Variants in MDN1 observed in about 807,000 individuals in gnomAD.
MDN1 encodes the protein midasin.
In MDN1, 266 loss-of-function variants were observed where a neutral mutation model predicts 669.2. The observed-to-expected ratio is 0.40, with a 90% confidence interval of 0.36 to 0.44. The LOEUF (loss-of-function observed/expected upper bound fraction) is 0.44, where lower values mean the gene tolerates loss of function less well. MDN1 is among the 20% of genes least tolerant of loss of function. The pLI, the probability that MDN1 is intolerant of heterozygous loss-of-function variation, is 1.00. For missense variants in MDN1, 5,940 were observed against 6,754.0 expected (o/e 0.88, Z 4.22); for synonymous variants, 2,385 against 2,457.1 (o/e 0.97, Z 0.87).
At chr6:89,724,922 T>C (rs954122881) in intron 38 of MDN1, among the ~76,000 whole-genome samples, 1 of 152,218 alleles carries the variant, frequency 6.6e-6, no homozygotes, top group Non-Finnish European at 1.5e-5. Flanking sequence ...GGTCCAAGAT[T>C]GGACTTCATC....
At chr6:89,672,459 T>A in intron 81 of MDN1, 88 bp downstream of exon 81, 1 of 1,593,958 alleles carries the variant, frequency 6.3e-7, no homozygotes, top group Non-Finnish European at 8.5e-7. Context: ...CTAACATCCA[T>A]CCTTAACTAT....
chr6:89,747,403 C>T lies in MDN1; in HGVS notation c.3830G>A (p.Arg1277Gln), dbSNP rs1206783600. 8.7e-6 allele frequency: 14 copies of T among 1,613,922 alleles called. No individual in the cohort carries two copies. Among genetic ancestry groups the T allele is most frequent in the African/African-American group, 1.3e-5 (1 of 74,882 alleles). The change falls in exon 27 of 102, where the codon CGA (arginine) becomes CAA (glutamine). Residue 1277 changes from arginine to glutamine, a missense_variant. By Grantham distance (43) the Arg-to-Gln change is conservative (BLOSUM62 1). Coordinates refer to ENST00000369393, the MANE Select transcript of MDN1 (RefSeq NM_014611.3). ...AGCCAATCTGTATCTTTCAGCCCAT[C>T]GGAACAGATCACGAAGGGTGATGAA... ...QGFITLRDLF[R>Q]WAERYRLAEP...
At chr6:89,689,064 C>T (rs908942387) in intron 65 of MDN1, among the ~76,000 whole-genome samples, 1 of 152,130 alleles carries the variant, frequency 6.6e-6, no homozygotes, top group African/African-American at 2.4e-5. Flanking sequence ...TTCTTGCGGG[C>T]CTGAGGCACA....
rs1385568777 is a variant in MDN1 at position 89,689,932 on chromosome 6, C to A, written c.10961G>T (p.Ser3654Ile). ...LPPHEAKHYL[S>I]LFLSCYQTGA... is the part of the protein sequence containing the mutation. ...AGTCTGATAGCAAGACAGAAACAGG[C>A]TGAGGTAATGCTTTGCTTCATGTGG... is the stretch of plus-strand genomic sequence containing the variant. Residue 3654 changes from serine to isoleucine, a missense_variant, in exon 65 of 102, where the codon AGC becomes ATC. Ser to Ile is a moderately radical substitution (Grantham distance 142). Around this residue, in one of 5 missense-constraint regions of MDN1, gnomAD observed 2,280 missense variants for 2,576.3 expected, o/e 0.88. Transcript: ENST00000369393. 6.2e-7 allele frequency: 1 copy of A among 1,614,178 alleles called. No individual in the cohort carries two copies. Among genetic ancestry groups the A allele is most frequent in the South Asian group, 1.1e-5 (1 of 91,090 alleles).
At chr6:89,741,573 C>T (rs1246301806) in intron 31 of MDN1, among the ~76,000 whole-genome samples, 4 of 152,008 alleles carry the variant, frequency 2.6e-5, no homozygotes, top group Non-Finnish European at 5.9e-5. Context: ...TCATAACCTT[C>T]CCAATTGCTC....
At position 89,785,084 on chromosome 6, in the gene MDN1, A is replaced by G. The variant is rs759555078; in HGVS notation, c.1377T>C (p.Ser459=). ...AATATTTGTCTAGCAAAGTAGCATG[A>G]CTGTTTAGCGGTCGATACCAATTTC... ...CGGNWYRPLN[S]HATLLDKYWT... Residue 459 remains serine, a synonymous_variant, in exon 9 of 102, where the codon AGT becomes AGC. Coordinates refer to ENST00000369393, the MANE Select transcript of MDN1 (RefSeq NM_014611.3). The G allele has an allele frequency of 6.8e-6, 11 of 1,614,034 alleles. No individual in the cohort carries two copies. The highest frequency in any genetic ancestry group is 6.6e-5 in the South Asian group (6 of 91,088).
intron 12 of MDN1, among the ~76,000 whole-genome samples, chr6:89,776,287 C>A (rs1305270825): frequency 6.6e-6 from 1 of 151,966 alleles, no homozygotes; most frequent in African/African-American, 2.4e-5. Flanking sequence ...CATGGAGAAA[C>A]CCCATCTCTA....
intron 34 of MDN1, among the ~76,000 whole-genome samples, chr6:89,731,647 A>T (rs559721209): frequency 7.5e-4 from 114 of 152,192 alleles, no homozygotes; most frequent in African/African-American, 2.6e-3. Flanking sequence ...ATTAGGACAA[A>T]TACCTAATGC....
At chr6:89,711,892 T>C (rs1813954625) in intron 49 of MDN1, 144 bp downstream of exon 49, 10 of 714,932 alleles carry the variant, frequency 1.4e-5, no homozygotes, top group African/African-American at 5.4e-5. Context: ...TTAACAGTAA[T>C]GCTAGACCAC....
intron 33 of MDN1, among the ~76,000 whole-genome samples, chr6:89,734,641 CAG>C: frequency 8.2e-6 from 1 of 122,686 alleles, no homozygotes; most frequent in Non-Finnish European, 1.6e-5. Flanking sequence ...GCCTGGATGA[CAG>C]AGCCAGACAT....
rs575750349 is a variant in MDN1 at position 89,718,243 on chromosome 6, C to T, written c.6583+123G>A. The T allele has an allele frequency of 1.4e-5, 16 of 1,125,962 alleles. No homozygotes were observed. In the South Asian group the frequency reaches 2.6e-4, roughly 18 times the overall value. 69.7% of individuals were successfully genotyped at this position (1,125,962 alleles called of 1,614,324 possible). A position where few individuals can be genotyped will look rare whatever the true frequency, so the allele number is the denominator to read the frequency against. On this transcript the variant is annotated intron_variant, in intron 43 of 101. Transcript: ENST00000369393. ...CATTTTACTTTCTAGGTCAAACTTTCCCACAAGTTCTGATTGTTAATAATT... is the reference window on the plus strand; with the variant it reads ...CATTTTACTTTCTAGGTCAAACTTTTCCACAAGTTCTGATTGTTAATAATT...
intron 33 of MDN1, among the ~76,000 whole-genome samples, chr6:89,737,250 T>C (rs971618681): frequency 6.6e-6 from 1 of 152,196 alleles, no homozygotes; most frequent in Non-Finnish European, 1.5e-5. Context: ...CAGTCGTCCC[T>C]AAAACACCAC....
rs1562035150 is a variant in MDN1 at position 89,652,285 on chromosome 6, A to G, written c.15826-4T>C. The G allele has an allele frequency of 6.2e-7, 1 of 1,612,346 alleles. No homozygotes were observed. Among genetic ancestry groups the G allele is most frequent in the Non-Finnish European group, 8.5e-7 (1 of 1,179,506 alleles). On this transcript the variant is annotated splice_region_variant and splice_polypyrimidine_tract_variant and intron_variant, in intron 94 of 101. Transcript: ENST00000369393. ...CATTGACATCTTTTAAAAAGGGCTA[A>G]AAAGAAAAAGCCATAGATAAGAGGT...
intron 45 of MDN1, 22 bp from the exon 46 acceptor site, chr6:89,714,773 G>GA (rs1262487532): frequency 6.3e-6 from 10 of 1,591,348 alleles, no homozygotes; most frequent in African/African-American, 1.4e-5. Flanking sequence ...GCAATTCAAA[G>GA]AAAAAAATGA....
intron 40 of MDN1, among the ~76,000 whole-genome samples, chr6:89,719,591 C>A (rs967734018): frequency 6.6e-6 from 1 of 152,102 alleles, no homozygotes; most frequent in Non-Finnish European, 1.5e-5. Flanking sequence ...AACAGTAATA[C>A]GAAGATTATA....
intron 44 of MDN1, among the ~76,000 whole-genome samples, chr6:89,715,980 G>T (rs1814345069): frequency 6.6e-6 from 1 of 152,074 alleles, no homozygotes; most frequent in African/African-American, 2.4e-5. Context: ...CTTATACACA[G>T]TAAATACACA....
chr6:89,714,624 G>A lies in MDN1; in HGVS notation c.6988C>T (p.Leu2330=), dbSNP rs764536351. 2.5e-6 allele frequency: 4 copies of A among 1,613,994 alleles called. No homozygotes were observed. In the East Asian group the frequency reaches 8.9e-5, roughly 36 times the overall value. Residue 2330 remains leucine (L), a synonymous_variant, in exon 46 of 102, where the codon CTG becomes TTG. Coordinates refer to ENST00000369393, the MANE Select transcript of MDN1 (RefSeq NM_014611.3). ...TPDNLDLKVL[L]HSLGLVGNSV... ...TTCCCCACCAATCCAAGGCTGTGCA[G>A]CAGAACTTTCAAATCCAGGTTGTCT...
intron 5 of MDN1, among the ~76,000 whole-genome samples, chr6:89,790,768 A>G (rs1819225079): frequency 6.6e-6 from 1 of 152,198 alleles, no homozygotes; most frequent in African/African-American, 2.4e-5. Context: ...AGCCTGTAAT[A>G]CCAGCACTTT....
chr6:89,790,057 C>T, intron 6 of MDN1, 102 bp downstream of exon 6: 1 of 1,589,842 alleles, frequency 6.3e-7, no homozygotes, highest in South Asian at 1.1e-5. Context: ...CAGTTATAAG[C>T]AAGACCAATA....
Sources: allele counts gnomAD v4.1 joint callset (sites outside exome capture counted in the v4.1 genomes callset), GRCh38; gene constraint gnomAD v4.1.1; regional missense constraint gnomAD v4.1.1; transcripts MANE v1.5; gene names NCBI Gene and HGNC (gene_info 2026-07-23, HGNC 2026-07-21).